The following ELMO1 variants were observed in gnomAD, a reference collection of about 807,000 sequenced individuals.
The protein encoded by ELMO1 is engulfment and cell motility 1, also known as engulfment and cell motility protein 1.
A neutral mutation model predicts 98.9 loss-of-function variants in ELMO1; 26 were observed. That is an observed-to-expected ratio of 0.26 (90% CI 0.19 to 0.36). ELMO1 has a LOEUF of 0.36. ELMO1 is among the 10% of genes least tolerant of loss of function. ELMO1 has a pLI of 1.00. For synonymous variants in ELMO1, 346 were observed against 346.0 expected (o/e 1.00, Z 0.00); for missense variants, 627 against 935.2 (o/e 0.67, Z 4.30).
chr7:37,250,246 T>A (rs991976502), intron 6 of ELMO1, among the ~76,000 whole-genome samples: 9 of 152,134 alleles, frequency 5.9e-5, no homozygotes, highest in Non-Finnish European at 1.0e-4. Flanking sequence ...ACAGTACGCA[T>A]GCAACAAAAA....
chr7:37,384,868 A>G (rs947812741), intron 1 of ELMO1, among the ~76,000 whole-genome samples: 3 of 152,230 alleles, frequency 2.0e-5, no homozygotes, highest in Non-Finnish European at 4.4e-5. Context: ...GGTTGTACAC[A>G]CAAAAAAAGA....
chr7:37,155,974 C>G (rs1788733991), intron 13 of ELMO1, among the ~76,000 whole-genome samples: 1 of 152,238 alleles, frequency 6.6e-6, no homozygotes, highest in East Asian at 1.9e-4. Flanking sequence ...AACAGACTGT[C>G]TCTCACACCA....
intron 13 of ELMO1, among the ~76,000 whole-genome samples, chr7:37,207,420 C>T (rs764954049): frequency 1.3e-5 from 2 of 150,578 alleles, no homozygotes; most frequent in African/African-American, 4.9e-5. Context: ...GGTGTGGTGG[C>T]GCACTCCTGT....
chr7:37,282,308 T>G (rs867573156), intron 4 of ELMO1, among the ~76,000 whole-genome samples: 3 of 152,238 alleles, frequency 2.0e-5, no homozygotes, highest in Admixed American at 6.5e-5. Flanking sequence ...TCTCCATCCT[T>G]GTCTGTGTCT....
Position 36,905,591 on chromosome 7 carries a change from C to T in ELMO1, c.1438-10574G>A, listed in dbSNP as rs551040927. ...ATCCACAGGCATCCCTTTCAACATT[C>T]AGGGTGTTTACCAACAGATCTGATA... On this transcript the variant is annotated intron_variant, in intron 16 of 21. Coordinates refer to ENST00000310758, the MANE Select transcript of ELMO1 (RefSeq NM_014800.11). 7.2e-5 allele frequency among the ~76,000 whole-genome samples: 11 copies of T among 152,362 alleles called. No homozygotes were observed. The South Asian group carries it at 1.7e-3, about 23-fold the overall frequency.
At chr7:36,941,234 T>C (rs1787004821) in intron 16 of ELMO1, among the ~76,000 whole-genome samples, 1 of 152,262 alleles carries the variant, frequency 6.6e-6, no homozygotes. Flanking sequence ...CTATAAGGTA[T>C]ATTCAGAAGT....
chr7:37,391,845 A>C (rs1260562061), intron 1 of ELMO1, among the ~76,000 whole-genome samples: 1 of 152,226 alleles, frequency 6.6e-6, no homozygotes, highest in African/African-American at 2.4e-5. Flanking sequence ...CTAAGTACCC[A>C]GAAGGCCTAC....
At chr7:37,195,761 A>G (rs1174729182) in intron 13 of ELMO1, among the ~76,000 whole-genome samples, 3 of 152,250 alleles carry the variant, frequency 2.0e-5, no homozygotes, top group Non-Finnish European at 4.4e-5. Flanking sequence ...TGTACTGCAG[A>G]GGCCTCCCTC....
chr7:37,267,786 T>G (rs1796342811), intron 5 of ELMO1, among the ~76,000 whole-genome samples: 1 of 152,222 alleles, frequency 6.6e-6, no homozygotes. Flanking sequence ...AGCCTGTCTT[T>G]TGGGACGGTT....
intron 1 of ELMO1, among the ~76,000 whole-genome samples, chr7:37,443,885 T>G (rs1326264687): frequency 6.6e-6 from 1 of 152,130 alleles, no homozygotes. Flanking sequence ...ATCCTTTTAT[T>G]ATGGACAGTG....
intron 1 of ELMO1, among the ~76,000 whole-genome samples, chr7:37,349,030 G>A (rs2724012): frequency 0.35 from 53,696 of 151,968 alleles, 10,226 homozygotes; most frequent in East Asian, 0.79. Context: ...TTGGGGAAAC[G>A]AACACACTTG....
chr7:36,902,052 C>G (rs1272929866), intron 16 of ELMO1, among the ~76,000 whole-genome samples: 3 of 152,210 alleles, frequency 2.0e-5, no homozygotes, highest in African/African-American at 7.2e-5. Flanking sequence ...TGTGGTTCCA[C>G]CACTGCAGTC....
At chr7:36,891,785 T>C (rs1396767487) in intron 17 of ELMO1, among the ~76,000 whole-genome samples, 1 of 152,220 alleles carries the variant, frequency 6.6e-6, no homozygotes, top group Non-Finnish European at 1.5e-5. Context: ...CAGAGCCACA[T>C]TTGTAAATGA....
At chr7:37,345,153 T>C (rs570254934) in intron 1 of ELMO1, among the ~76,000 whole-genome samples, 92 of 152,252 alleles carry the variant, frequency 6.0e-4, no homozygotes, top group African/African-American at 2.1e-3. Flanking sequence ...AGCTAATCAG[T>C]GGTAACTAGC....
chr7:36,860,263 C>A (rs1802519470), intron 21 of ELMO1, among the ~76,000 whole-genome samples: 1 of 152,108 alleles, frequency 6.6e-6, no homozygotes. Flanking sequence ...GTTTGGTGCC[C>A]ATAACCCCCA....
At chr7:37,033,367 C>T (rs1438139913) in intron 15 of ELMO1, 4 of 455,938 alleles carry the variant, frequency 8.8e-6, no homozygotes, top group South Asian at 4.7e-5. Context: ...CACTGCAAGG[C>T]TGGATCGTGT....
At chr7:37,005,060 G>A (rs1463549883) in intron 16 of ELMO1, among the ~76,000 whole-genome samples, 1 of 120,620 alleles carries the variant, frequency 8.3e-6, no homozygotes, top group Non-Finnish European at 1.6e-5. Flanking sequence ...GGTGAGCCGA[G>A]ATCACGCCAC....
intron 8 of ELMO1, among the ~76,000 whole-genome samples, chr7:37,225,806 C>T (rs2130566347): frequency 6.6e-6 from 1 of 152,298 alleles, no homozygotes; most frequent in Admixed American, 6.5e-5. Flanking sequence ...GTAATCCAAA[C>T]ACATGGGTAC....
In ELMO1 at chr7:37,012,964, T is replaced by C. The variant is rs868402333; in HGVS notation, c.1437+335A>G. On this transcript the variant is annotated intron_variant, in intron 16 of 21. Coordinates refer to ENST00000310758, the MANE Select transcript of ELMO1 (RefSeq NM_014800.11). ...GGGAAGGCCCCTTCCCCGACAGATCTTGCAATATTGACAAGGCATCCCAAA... is the reference window on the plus strand; with the variant it reads ...GGGAAGGCCCCTTCCCCGACAGATCCTGCAATATTGACAAGGCATCCCAAA... Among the ~76,000 whole-genome samples the C allele has an allele frequency of 1.3e-4, 20 of 152,264 alleles. 1 individual carries two copies. The highest frequency in any genetic ancestry group is 6.5e-4 in the Admixed American group (10 of 15,290).
Sources: allele counts gnomAD v4.1 joint callset (sites outside exome capture counted in the v4.1 genomes callset), GRCh38; gene constraint gnomAD v4.1.1; transcripts MANE v1.5; gene names NCBI Gene and HGNC (gene_info 2026-07-23, HGNC 2026-07-21).